Variants in OR10W1 observed in about 807,000 individuals in gnomAD.
The protein encoded by OR10W1 is olfactory receptor 10W1.
For synonymous variants in OR10W1, 152 were observed against 151.6 expected (o/e 1.00, Z -0.02); for missense variants, 406 against 365.8 (o/e 1.11, Z -0.90).
chr11:58,267,098 C>G lies in OR10W1; in HGVS notation c.761G>C (p.Ser254Thr). Residue 254 changes from serine to threonine, a missense_variant, in exon 1 of 1, where the codon AGC becomes ACC. Transcript: ENST00000395079. The part of the protein sequence containing the change: ...GCCAFMYLCP[S>T]SSYNPKQDRF... ...ATCTTGCTTGGGGTTGTAGCTGGAG[C>G]TGGGGCACAGGTACATGAAGGCACA... The G allele has an allele frequency of 6.2e-7, 1 of 1,614,076 alleles. No individual in the cohort carries two copies. The highest frequency in any genetic ancestry group is 1.3e-5 in the African/African-American group (1 of 75,050).
Position 58,267,027 on chromosome 11 carries a change from G to T in OR10W1, c.832C>A (p.Pro278Thr). ...VYTLGTPLLN[P>T]LIYALRNSEM... ...CTGTTCCTCAGGGCATAGATAAGTG[G>T]GTTGAGCAGTGGGGTTCCCAATGTG... Residue 278 changes from proline (P) to threonine (T), a missense_variant, in exon 1 of 1, where the codon CCA becomes ACA. Pro to Thr is a conservative substitution (Grantham distance 38). Coordinates refer to ENST00000395079, the MANE Select transcript of OR10W1 (RefSeq NM_207374.3). The T allele has an allele frequency of 1.2e-6, 2 of 1,613,638 alleles. No individual in the cohort carries two copies. The highest frequency in any genetic ancestry group is 1.7e-6 in the Non-Finnish European group (2 of 1,179,774).
At position 58,267,385 on chromosome 11, in the gene OR10W1, T is replaced by C. The variant is rs1269469637; in HGVS notation, c.474A>G (p.Pro158=). Residue 158 remains proline (P), a synonymous_variant, in exon 1 of 1, where the codon CCA becomes CCG. Coordinates refer to ENST00000395079, the MANE Select transcript of OR10W1 (RefSeq NM_207374.3). ...GCTCAATGCCCTGAGCCTGGCAGAA[T>C]GGCAGAGAGAAGATGAAGGCCACCA... ...LQLVAFIFSL[P]FCQAQGIEHF... is the part of the protein sequence containing the mutation. The C allele has an allele frequency of 6.2e-7, 1 of 1,613,756 alleles. No homozygotes were observed. Among genetic ancestry groups the C allele is most frequent in the Non-Finnish European group, 8.5e-7 (1 of 1,179,858 alleles).
In OR10W1 at chr11:58,266,811, A is replaced by G. The variant is rs934166575; in HGVS notation, c.*130T>C. The G allele has an allele frequency of 5.8e-6, 4 of 684,380 alleles. No homozygotes were observed. In the African/African-American group the frequency reaches 7.2e-5, roughly 12 times the overall value. The allele number at this position is 684,380 out of a possible 1,614,324, so 42.4% of individuals were successfully genotyped here. ...ATATTTAAAAATCTTTGGCACACAT[A>G]AACAGTATCCATATAATTTATACCA... is the stretch of plus-strand genomic sequence containing the variant. On this transcript the variant is annotated 3_prime_UTR_variant, in exon 1 of 1. Coordinates refer to ENST00000395079, the MANE Select transcript of OR10W1 (RefSeq NM_207374.3).
In OR10W1 at chr11:58,267,864, C is replaced by CT. The variant is rs1182737855; in HGVS notation, c.-7dup. 6.2e-7 allele frequency: 1 copy of CT among 1,605,740 alleles called. No individual in the cohort carries two copies. The highest frequency in any genetic ancestry group is 1.7e-5 in the Admixed American group (1 of 59,832). On this transcript the variant is annotated 5_prime_UTR_variant, in exon 1 of 1. Coordinates refer to ENST00000395079, the MANE Select transcript of OR10W1 (RefSeq NM_207374.3). ...GCCAGGAACACAAATTCCATCAACACTGAGTGATTTTCCCAGGTAATTGAG... is the reference window on the plus strand; with the variant it reads ...GCCAGGAACACAAATTCCATCAACACTTGAGTGATTTTCCCAGGTAATTGAG...
In OR10W1 at chr11:58,267,169, G is replaced by A; in HGVS notation, c.690C>T (p.Ser230=). 6.2e-7 allele frequency: 1 copy of A among 1,614,200 alleles called. No individual in the cohort carries two copies. Among genetic ancestry groups the A allele is most frequent in the Non-Finnish European group, 8.5e-7 (1 of 1,180,012 alleles). The change falls in exon 1 of 1, where the codon TCC becomes TCT. Residue 230 remains serine (S), a synonymous_variant. Coordinates refer to ENST00000395079, the MANE Select transcript of OR10W1 (RefSeq NM_207374.3). The stretch of plus-strand genomic sequence containing the variant: ...CCACAGTGAGGTGGGAAGAGCAGGT[G>A]GAGAAGGCCCGGTGGCGGCCAGCAG... ...HSAAGRHRAF[S]TCSSHLTVVL... is the part of the protein sequence containing the mutation.
In OR10W1 at chr11:58,267,292, T is replaced by C. The variant is rs1853555588; in HGVS notation, c.567A>G (p.Ser189=). 1.2e-6 allele frequency: 2 copies of C among 1,614,038 alleles called. No homozygotes were observed. Among genetic ancestry groups the C allele is most frequent in the African/African-American group, 1.3e-5 (1 of 74,948 alleles). ...VCAQSHIHEQ[S]VLVAAILAIA... Reference sequence around the variant, plus strand: ...TGGCTAGTATGGCTGCCACCAGCACTGACTGCTCATGAATGTGACTCTGAG... The same window carrying C: ...TGGCTAGTATGGCTGCCACCAGCACCGACTGCTCATGAATGTGACTCTGAG... Residue 189 remains serine, a synonymous_variant, in exon 1 of 1, where the codon TCA becomes TCG. Coordinates refer to ENST00000395079, the MANE Select transcript of OR10W1 (RefSeq NM_207374.3).
At position 58,267,493 on chromosome 11, in the gene OR10W1, C is replaced by T. The variant is rs748404341; in HGVS notation, c.366G>A (p.Gln122=). ...DRYVAICHPL[Q]YPLLMTLTLC... ...GAGTCAATGTCATGAGGAGAGGGTA[C>T]TGCAACGGGTGGCAAATGGCCACAT... Residue 122 remains glutamine, a synonymous_variant, in exon 1 of 1, where the codon CAG becomes CAA. Transcript: ENST00000395079. The T allele has an allele frequency of 9.9e-6, 16 of 1,614,088 alleles. No individual in the cohort carries two copies. In the Admixed American group the frequency reaches 2.2e-4, roughly 22 times the overall value.
In OR10W1 at chr11:58,267,214, A is replaced by G; in HGVS notation, c.645T>C (p.Ala215=). 1 of 1,614,194 alleles carries G rather than the reference A, an allele frequency of 6.2e-7. No individual in the cohort carries two copies. Among genetic ancestry groups the G allele is most frequent in the Non-Finnish European group, 8.5e-7 (1 of 1,180,016 alleles). Residue 215 remains alanine, a synonymous_variant, in exon 1 of 1, where the codon GCT becomes GCC. Coordinates refer to ENST00000395079, the MANE Select transcript of OR10W1 (RefSeq NM_207374.3). ...ITTSYTFIVA[A]LLKIHSAAGR... is the part of the protein sequence containing the mutation. ...CAGCAGCCGAGTGGATCTTGAGCAG[A>G]GCAGCCACTATGAAGGTGTAGGAGG...
rs1284307788 is a variant in OR10W1, at chr11:58,267,841, C to T, written c.18G>A (p.Leu6=). ...GCAGTTCTGGGCAGGAGGGATAGGCCAGGAACACAAATTCCATCAACACTG... is the reference window on the plus strand; with the variant it reads ...GCAGTTCTGGGCAGGAGGGATAGGCTAGGAACACAAATTCCATCAACACTG... The part of the protein sequence containing the change: MEFVF[L]AYPSCPELHI... The change falls in exon 1 of 1, where the codon CTG becomes CTA. Residue 6 remains leucine (L), a synonymous_variant. Transcript: ENST00000395079. The T allele has an allele frequency of 1.9e-6, 3 of 1,613,110 alleles. No individual in the cohort carries two copies. In the South Asian group the frequency reaches 3.3e-5, roughly 18 times the overall value.
At position 58,268,122 on chromosome 11, in the gene OR10W1, T is replaced by C; in HGVS notation, c.-264A>G. 5.1e-6 allele frequency: 2 copies of C among 395,290 alleles called. No individual in the cohort carries two copies. Among genetic ancestry groups the C allele is most frequent in the Middle Eastern group, 7.3e-4 (1 of 1,372 alleles). 24.5% of individuals were successfully genotyped at this position (395,290 alleles called of 1,614,324 possible). On this transcript the variant is annotated 5_prime_UTR_variant, in exon 1 of 1. Transcript: ENST00000395079. ...TTGGGCCAAACTATGTAAGATACTATTGAAGAAAAATGGCAGAGGAAGTGG... is the reference window on the plus strand; with the variant it reads ...TTGGGCCAAACTATGTAAGATACTACTGAAGAAAAATGGCAGAGGAAGTGG...
chr11:58,267,892 A>G lies in OR10W1; in HGVS notation c.-34T>C, dbSNP rs1328167251. 2.0e-6 allele frequency: 3 copies of G among 1,505,746 alleles called. No homozygotes were observed. The highest frequency in any genetic ancestry group is 2.8e-6 in the Non-Finnish European group (3 of 1,088,574). The allele number at this position is 1,505,746 out of a possible 1,614,324, so 93.3% of individuals were successfully genotyped here. On this transcript the variant is annotated 5_prime_UTR_variant, in exon 1 of 1. Transcript: ENST00000395079. The stretch of plus-strand genomic sequence containing the variant: ...AGTGATTTTCCCAGGTAATTGAGCT[A>G]ACAGTATTTCTCTGTGGAGAGCTAC...
Position 58,267,393 on chromosome 11 carries a change from A to G in OR10W1, c.466T>C (p.Ser156Pro), listed in dbSNP as rs1490574476. The G allele has an allele frequency of 3.7e-6, 6 of 1,613,784 alleles. No homozygotes were observed. The highest frequency in any genetic ancestry group is 5.1e-6 in the Non-Finnish European group (6 of 1,179,852). The change falls in exon 1 of 1, where the codon TCT (serine) becomes CCT (proline). Residue 156 changes from serine to proline, a missense_variant. Transcript: ENST00000395079. ...CCCTGAGCCTGGCAGAATGGCAGAGAGAAGATGAAGGCCACCAGTTGTAAG... is the reference window on the plus strand; with the variant it reads ...CCCTGAGCCTGGCAGAATGGCAGAGGGAAGATGAAGGCCACCAGTTGTAAG... ...LSLQLVAFIF[S>P]LPFCQAQGIE...
At position 58,267,417 on chromosome 11, in the gene OR10W1, A is replaced by C. The variant is rs1386707370; in HGVS notation, c.442T>G (p.Leu148Val). The part of the protein sequence containing the change: ...ASVISGLFLS[L>V]QLVAFIFSLP... ...GAGAAGATGAAGGCCACCAGTTGTA[A>C]GGACAGGAACAGACCACTGATGACT... The change falls in exon 1 of 1, where the codon TTA becomes GTA. Residue 148 changes from leucine (L) to valine (V), a missense_variant. By Grantham distance (32) the Leu-to-Val change is conservative. Transcript: ENST00000395079. 1 of 1,613,818 alleles carries C rather than the reference A, an allele frequency of 6.2e-7. No individual in the cohort carries two copies. Among genetic ancestry groups the C allele is most frequent in the Admixed American group, 1.7e-5 (1 of 59,944 alleles).
chr11:58,267,355 G>A lies in OR10W1; in HGVS notation c.504C>T (p.Phe168=). ...PFCQAQGIEH[F]FCDVPPVMHV... is the part of the protein sequence containing the mutation. ...GCATGACTGGTGGCACATCACAAAA[G>A]AAGTGCTCAATGCCCTGAGCCTGGC... The change falls in exon 1 of 1, where the codon TTC becomes TTT. Residue 168 remains phenylalanine (F), a synonymous_variant. Coordinates refer to ENST00000395079, the MANE Select transcript of OR10W1 (RefSeq NM_207374.3). The A allele has an allele frequency of 6.2e-6, 10 of 1,614,006 alleles. No individual in the cohort carries two copies. Among genetic ancestry groups the A allele is most frequent in the South Asian group, 1.1e-5 (1 of 91,064 alleles).
In OR10W1 at chr11:58,267,543, A is replaced by G. The variant is rs1253195309; in HGVS notation, c.316T>C (p.Leu106=). Residue 106 remains leucine, a synonymous_variant, in exon 1 of 1, where the codon TTG becomes CTG. Coordinates refer to ENST00000395079, the MANE Select transcript of OR10W1 (RefSeq NM_207374.3). ...IALGSADCFL[L]AAMAYDRYVA... ...TAGCGGTCATAGGCCATGGCAGCCA[A>G]GAGGAAGCAATCAGCACTGCCCAGT... The G allele has an allele frequency of 6.2e-7, 1 of 1,614,186 alleles. No homozygotes were observed. The highest frequency in any genetic ancestry group is 1.7e-5 in the Admixed American group (1 of 60,006).
Position 58,267,186 on chromosome 11 carries a change from G to C in OR10W1, c.673C>G (p.Arg225Gly). ...ALLKIHSAAG[R>G]HRAFSTCSSH... ...GAGCAGGTGGAGAAGGCCCGGTGGC[G>C]GCCAGCAGCCGAGTGGATCTTGAGC... The change falls in exon 1 of 1, where the codon CGC becomes GGC. Residue 225 changes from arginine to glycine, a missense_variant. Physicochemically the swap from Arg to Gly is moderately radical, Grantham distance 125. Transcript: ENST00000395079. The C allele has an allele frequency of 6.2e-7, 1 of 1,614,142 alleles. No individual in the cohort carries two copies. Among genetic ancestry groups the C allele is most frequent in the Non-Finnish European group, 8.5e-7 (1 of 1,180,014 alleles).
At position 58,267,259 on chromosome 11, in the gene OR10W1, C is replaced by T; in HGVS notation, c.600G>A (p.Val200=). The part of the protein sequence containing the change: ...VLVAAILAIA[V]PFFLITTSYT... ...AGGAGGTGGTGATGAGGAAGAAAGG[C>T]ACAGCAATGGCTAGTATGGCTGCCA... The change falls in exon 1 of 1, where the codon GTG becomes GTA. Residue 200 remains valine, a synonymous_variant. Transcript: ENST00000395079. 1 of 1,614,140 alleles carries T rather than the reference C, an allele frequency of 6.2e-7. No individual in the cohort carries two copies. The highest frequency in any genetic ancestry group is 8.5e-7 in the Non-Finnish European group (1 of 1,180,016).
At position 58,267,938 on chromosome 11, in the gene OR10W1, G is replaced by A; in HGVS notation, c.-80C>T. On this transcript the variant is annotated 5_prime_UTR_variant, in exon 1 of 1. Coordinates refer to ENST00000395079, the MANE Select transcript of OR10W1 (RefSeq NM_207374.3). ...GCTACAAGTACAGAAGGAAGAATCA[G>A]ACTGAAGATAAATTAAGTTACACTC... The A allele has an allele frequency of 9.8e-7, 1 of 1,017,296 alleles. No homozygotes were observed. Among genetic ancestry groups the A allele is most frequent in the Non-Finnish European group, 1.5e-6 (1 of 674,332 alleles). 63.0% of individuals were successfully genotyped at this position (1,017,296 alleles called of 1,614,324 possible). A position where few individuals can be genotyped will look rare whatever the true frequency, so the allele number is the denominator to read the frequency against.
In OR10W1 at chr11:58,267,066, T is replaced by C. The variant is rs540952884; in HGVS notation, c.793A>G (p.Ile265Val). The C allele has an allele frequency of 1.2e-6, 2 of 1,614,092 alleles. No individual in the cohort carries two copies. The highest frequency in any genetic ancestry group is 1.1e-5 in the South Asian group (1 of 91,054). Residue 265 changes from isoleucine to valine, a missense_variant, in exon 1 of 1, where the codon ATC becomes GTC. By Grantham distance (29) the Ile-to-Val change is conservative (BLOSUM62 3). Transcript: ENST00000395079. ...SSYNPKQDRFISLVYTLGTPL... is the reference protein window; with the variant it reads ...SSYNPKQDRFVSLVYTLGTPL... Reference sequence around the variant, plus strand: ...GTTCCCAATGTGTACACCAGTGAGATGAACCGATCTTGCTTGGGGTTGTAG... The same window carrying C: ...GTTCCCAATGTGTACACCAGTGAGACGAACCGATCTTGCTTGGGGTTGTAG...
Sources: allele counts gnomAD v4.1 joint callset, GRCh38; gene constraint gnomAD v4.1.1; transcripts MANE v1.5; gene names NCBI Gene and HGNC (gene_info 2026-07-23, HGNC 2026-07-21).